MGA: variants seen among roughly 807,000 people sequenced by gnomAD.
MGA encodes the protein MAX dimerization protein MGA.
Under a neutral mutation model 261.1 loss-of-function variants are expected in MGA, and 40 were observed. The ratio of observed to expected loss-of-function variants is 0.15; its 90% CI spans 0.12 to 0.20. The LOEUF is 0.20. MGA is among the 10% of genes least tolerant of loss of function. The probability of loss-of-function intolerance (pLI) is 1.00; values close to 1 mark genes in which losing one functional copy is unlikely to be tolerated. For missense variants in MGA, 3,397 were observed against 3,630.5 expected, an observed-to-expected ratio of 0.94 and a Z score of 1.65; for synonymous variants, 1,302 against 1,290.6, an observed-to-expected ratio of 1.01 and a Z score of -0.19.
intron 1 of MGA, among the ~76,000 whole-genome samples, chr15:41,647,974 G>A (rs1169670970): frequency 6.6e-6 from 1 of 152,150 alleles, no homozygotes; most frequent in African/African-American, 2.4e-5. Flanking sequence ...CAGATATTAA[G>A]ATGTTCCTGA....
intron 2 of MGA, among the ~76,000 whole-genome samples, chr15:41,683,130 C>T (rs2151117603): frequency 6.6e-6 from 1 of 152,264 alleles, no homozygotes; most frequent in East Asian, 1.9e-4. Flanking sequence ...AACCTTGCCC[C>T]CTTCTGCTTT....
intron 1 of MGA, among the ~76,000 whole-genome samples, chr15:41,665,352 A>G (rs978126351): frequency 1.3e-5 from 2 of 151,660 alleles, no homozygotes; most frequent in Admixed American, 1.3e-4. Flanking sequence ...TTAATTTGGC[A>G]TATGAGTTCG....
At chr15:41,761,570 C>T (rs894050828) in intron 20 of MGA, among the ~76,000 whole-genome samples, 169 bp from the exon 21 acceptor site, 1 of 152,154 alleles carries the variant, frequency 6.6e-6, no homozygotes, top group Non-Finnish European at 1.5e-5. Context: ...AATCCTCTTA[C>T]AGTTTAACAA....
intron 1 of MGA, among the ~76,000 whole-genome samples, chr15:41,636,273 A>G (rs1566925569): frequency 6.6e-6 from 1 of 151,478 alleles, no homozygotes; most frequent in Non-Finnish European, 1.5e-5. Flanking sequence ...TGACCATGCC[A>G]GACTAAATTT....
intron 2 of MGA, among the ~76,000 whole-genome samples, chr15:41,677,829 T>G (rs1343340695): frequency 6.6e-6 from 1 of 152,204 alleles, no homozygotes; most frequent in Non-Finnish European, 1.5e-5. Flanking sequence ...TTTTGGATAT[T>G]AATCCATTAG....
At chr15:41,710,556 T>G in intron 7 of MGA, 135 bp from the exon 8 acceptor site, 1 of 891,944 alleles carries the variant, frequency 1.1e-6, no homozygotes, top group Non-Finnish European at 1.7e-6. Flanking sequence ...TGGGAGTCAC[T>G]GTGCCCAGCT....
intron 9 of MGA, among the ~76,000 whole-genome samples, chr15:41,716,443 G>GAC (rs2060640656): frequency 6.6e-6 from 1 of 151,772 alleles, no homozygotes; most frequent in South Asian, 2.1e-4. Context: ...GACAAAGCGA[G>GAC]ACTCCGTATC....
chr15:41,661,240 C>G (rs2057378020), intron 1 of MGA, among the ~76,000 whole-genome samples: 1 of 152,028 alleles, frequency 6.6e-6, no homozygotes, highest in South Asian at 2.1e-4. Flanking sequence ...GTGGGGCAGC[C>G]TTTTACCTAG....
chr15:41,649,351 C>T (rs1320848560), intron 1 of MGA, among the ~76,000 whole-genome samples: 3 of 148,324 alleles, frequency 2.0e-5, no homozygotes, highest in African/African-American at 7.5e-5. Context: ...CACTGCACTC[C>T]AGCCTGGACA....
intron 2 of MGA, among the ~76,000 whole-genome samples, chr15:41,682,267 A>T (rs1338278659): frequency 1.3e-5 from 2 of 151,986 alleles, no homozygotes; most frequent in Admixed American, 1.3e-4. Context: ...ACACATACAC[A>T]CACACGTACA....
chr15:41,691,970 T>C (rs1401726091), intron 2 of MGA, among the ~76,000 whole-genome samples: 1 of 152,182 alleles, frequency 6.6e-6, no homozygotes, highest in Non-Finnish European at 1.5e-5. Context: ...GGTTAAAATC[T>C]TTTGCTTTTG....
Position 41,750,088 on chromosome 15 carries a change from A to G in MGA, c.6481A>G (p.Lys2161Glu). ...TAATCTACAGCCAGAGGCCAAAGAGAAGGAATGTGGAGACTCTCTGGAGAA... is the reference window on the plus strand; with the variant it reads ...TAATCTACAGCCAGAGGCCAAAGAGGAGGAATGTGGAGACTCTCTGGAGAA... Residue 2161 changes from lysine (K) to glutamate (E), a missense_variant, in exon 17 of 24, where the codon AAG (lysine) becomes GAG (glutamate). Around this residue, in one of 9 missense-constraint regions of MGA, gnomAD observed 1,410 missense variants for 1,386.4 expected, o/e 1.02. Coordinates refer to ENST00000219905, the MANE Select transcript of MGA (RefSeq NM_001164273.2). 3.7e-6 allele frequency: 6 copies of G among 1,613,276 alleles called. No individual in the cohort carries two copies. The highest frequency in any genetic ancestry group is 5.1e-6 in the Non-Finnish European group (6 of 1,179,674).
chr15:41,628,328 C>G (rs1042817077), intron 1 of MGA, among the ~76,000 whole-genome samples: 2 of 144,224 alleles, frequency 1.4e-5, no homozygotes, highest in African/African-American at 2.6e-5. Context: ...GATCGTGCCA[C>G]TGCTCTCCAG....
chr15:41,625,133 C>A (rs1193775955), intron 1 of MGA, among the ~76,000 whole-genome samples: 1 of 152,012 alleles, frequency 6.6e-6, no homozygotes, highest in Non-Finnish European at 1.5e-5. Context: ...CAGAGTGAGA[C>A]CCAGGCTCAA....
intron 1 of MGA, among the ~76,000 whole-genome samples, chr15:41,651,891 C>T (rs1312278661): frequency 4.9e-5 from 5 of 101,428 alleles, no homozygotes; most frequent in Non-Finnish European, 1.0e-4. Flanking sequence ...GCTCCTGTCT[C>T]CCTCTCCCCT....
At chr15:41,757,928 C>A in intron 19 of MGA, 89 bp downstream of exon 19, 1 of 1,152,220 alleles carries the variant, frequency 8.7e-7, no homozygotes, top group Non-Finnish European at 1.3e-6. Flanking sequence ...CTATATTAGC[C>A]ACGATTTTTT....
At chr15:41,672,511 T>C (rs995298572) in intron 2 of MGA, among the ~76,000 whole-genome samples, 5 of 152,200 alleles carry the variant, frequency 3.3e-5, no homozygotes, top group African/African-American at 4.8e-5. Flanking sequence ...GTTAAGCCTT[T>C]GATTTTAATG....
chr15:41,656,349 T>TCTCTC, upstream of MGA, among the ~76,000 whole-genome samples: 1 of 89,282 alleles, frequency 1.1e-5, no homozygotes, highest in African/African-American at 3.0e-5. Flanking sequence ...CTCTCTTCTC[T>TCTCTC]CTCTCTCTCT....
At chr15:41,765,940 GAGAA>G in intron 23 of MGA, 60 bp from the exon 24 acceptor site, 1 of 1,326,180 alleles carries the variant, frequency 7.5e-7, no homozygotes, top group Non-Finnish European at 1.0e-6. Flanking sequence ...ATATGACAGA[GAGAA>G]AGAGAGGTGT....
Sources: gnomAD v4.1 joint callset for allele counts (sites outside exome capture counted in the v4.1 genomes callset) on GRCh38, gnomAD v4.1.1 for gene constraint, gnomAD v4.1.1 regional missense constraint, MANE v1.5 for transcripts, NCBI Gene and HGNC (gene_info 2026-07-23, HGNC 2026-07-21) for gene names.